The following PATL2 variants were observed in gnomAD, a reference collection of about 807,000 sequenced individuals.
The protein encoded by PATL2 is PAT1 homolog 2.
In PATL2, 73 loss-of-function variants were observed where a neutral mutation model predicts 77.0. The ratio of observed to expected loss-of-function variants is 0.95; its 90% CI spans 0.78 to 1.15. PATL2 has a LOEUF of 1.15. PATL2 is among the 50% of genes most tolerant of loss of function. The pLI, the probability that PATL2 is intolerant of heterozygous loss-of-function variation, is 0.00. For missense variants in PATL2, 618 were observed against 655.4 expected (o/e 0.94, Z 0.62); for synonymous variants, 265 against 257.1 (o/e 1.03, Z -0.29).
At chr15:44,687,241 G>A (rs529806660) in intron 3 of PATL2, among the ~76,000 whole-genome samples, 1 of 152,172 alleles carries the variant, frequency 6.6e-6, no homozygotes, top group Non-Finnish European at 1.5e-5. Flanking sequence ...GGGATGCAAG[G>A]CTGGTTCAAC....
intron 3 of PATL2, among the ~76,000 whole-genome samples, chr15:44,686,388 C>T (rs1019533999): frequency 5.7e-4 from 87 of 152,176 alleles, no homozygotes; most frequent in Admixed American, 1.4e-3. Flanking sequence ...GTACCAGCAT[C>T]TCTGGGCCAC....
chr15:44,666,664 G>A, intron 16 of PATL2, 123 bp from the exon 17 acceptor site: 2 of 1,022,930 alleles, frequency 2.0e-6, no homozygotes, highest in Non-Finnish European at 2.8e-6. Flanking sequence ...TAGCAATTCA[G>A]AGGTAACATT....
At chr15:44,686,447 G>C (rs1459973557) in intron 3 of PATL2, among the ~76,000 whole-genome samples, 2 of 152,160 alleles carry the variant, frequency 1.3e-5, no homozygotes, top group Non-Finnish European at 2.9e-5. Flanking sequence ...ATGCCCACAA[G>C]AGGAAGTAGG....
intron 3 of PATL2, among the ~76,000 whole-genome samples, chr15:44,681,147 G>T (rs1479559653): frequency 6.6e-6 from 1 of 152,068 alleles, no homozygotes; most frequent in Non-Finnish European, 1.5e-5. Context: ...AACCTTCCAA[G>T]TAGCTGGGAC....
At chr15:44,668,908 G>A in intron 14 of PATL2, 72 bp downstream of exon 14, 1 of 1,429,718 alleles carries the variant, frequency 7.0e-7, no homozygotes, top group South Asian at 1.5e-5. Context: ...GGGGCATGTG[G>A]GGACTGGAGG....
intron 3 of PATL2, among the ~76,000 whole-genome samples, chr15:44,679,378 G>A (rs1263838326): frequency 6.6e-6 from 1 of 151,866 alleles, no homozygotes; most frequent in Non-Finnish European, 1.5e-5. Flanking sequence ...TTACAGGGGT[G>A]TGCCATGCCC....
intron 3 of PATL2, among the ~76,000 whole-genome samples, chr15:44,698,780 T>C (rs1321010840): frequency 6.6e-6 from 1 of 152,234 alleles, no homozygotes; most frequent in Non-Finnish European, 1.5e-5. Flanking sequence ...TGCTGGATCA[T>C]ATGATTGCTG....
chr15:44,676,797 A>C, intron 3 of PATL2: 1 of 1,197,076 alleles, frequency 8.4e-7, no homozygotes, highest in Non-Finnish European at 1.1e-6. Flanking sequence ...AAGCAGGAAG[A>C]GAAGTACTTC....
chr15:44,685,613 A>C (rs541389875), intron 3 of PATL2, among the ~76,000 whole-genome samples: 1 of 152,128 alleles, frequency 6.6e-6, no homozygotes, highest in South Asian at 2.1e-4. Context: ...GTCTCAAAAA[A>C]AAAAAAAGAA....
chr15:44,698,365 A>T (rs947945814), intron 3 of PATL2, among the ~76,000 whole-genome samples: 1 of 152,114 alleles, frequency 6.6e-6, no homozygotes, highest in African/African-American at 2.4e-5. Context: ...TTTTGTATCC[A>T]TTAACCATTT....
Position 44,669,990 on chromosome 15 carries a change from G to T in PATL2, c.755C>A (p.Pro252Gln). The change falls in exon 10 of 18, where the codon CCG becomes CAG. Residue 252 changes from proline to glutamine, a missense_variant. Pro to Gln is a moderately conservative substitution (Grantham distance 76, BLOSUM62 -1). Coordinates refer to ENST00000682850, the MANE Select transcript of PATL2 (RefSeq NM_001387263.1). ...ESLKLVTPYI[P>Q]KAEAYESVVR... Reference sequence around the variant, plus strand: ...ACCGGACTCATAAGCCTCTGCCTTCGGAATGTAAGGCGTTACCAGCTTGAG... The same window carrying T: ...ACCGGACTCATAAGCCTCTGCCTTCTGAATGTAAGGCGTTACCAGCTTGAG... 2 of 1,548,802 alleles carry T rather than the reference G, an allele frequency of 1.3e-6. No individual in the cohort carries two copies. Among genetic ancestry groups the T allele is most frequent in the Non-Finnish European group, 1.7e-6 (2 of 1,145,796 alleles).
chr15:44,701,897 G>A (rs919220509), intron 3 of PATL2, among the ~76,000 whole-genome samples: 2 of 151,860 alleles, frequency 1.3e-5, no homozygotes, highest in South Asian at 2.1e-4. Flanking sequence ...GGAGCAAGAG[G>A]TGGTGGGGGG....
At chr15:44,671,892 G>T in intron 9 of PATL2, 123 bp downstream of exon 9, 1 of 1,239,996 alleles carries the variant, frequency 8.1e-7, no homozygotes, top group Non-Finnish European at 1.1e-6. Flanking sequence ...ATCCTGTAGT[G>T]ATTCTCTCTC....
chr15:44,675,426 C>G lies in PATL2; in HGVS notation c.222+60G>C, dbSNP rs572130951. On this transcript the variant is annotated intron_variant, in intron 5 of 17. Transcript: ENST00000682850. ...AAAAGAGAAGAGGAATGTTTAGTGA[C>G]AGCCTGTGAGCCACAGACAGTTCAG... The G allele has an allele frequency of 5.6e-5, 83 of 1,481,666 alleles. 1 individual carries two copies. In the East Asian group the frequency reaches 1.6e-3, roughly 29 times the overall value. 91.8% of individuals were successfully genotyped at this position (1,481,666 alleles called of 1,614,324 possible).
At position 44,676,737 on chromosome 15, in the gene PATL2, C is replaced by T. The variant is rs180944469; in HGVS notation, c.-75-172G>A. 1.6e-4 allele frequency: 201 copies of T among 1,258,732 alleles called. 2 individuals carry two copies. In the East Asian group the frequency reaches 2.6e-3, roughly 16 times the overall value. 78.0% of individuals were successfully genotyped at this position (1,258,732 alleles called of 1,614,324 possible). A position where few individuals can be genotyped will look rare whatever the true frequency, so the allele number is the denominator to read the frequency against. The stretch of plus-strand genomic sequence containing the variant: ...GCCATAAACACCCACCCTCCCAGCT[C>T]GGCTCTAGGGAGCTGTCCCACAAAG... On this transcript the variant is annotated intron_variant, in intron 3 of 17. Transcript: ENST00000682850.
Position 44,684,761 on chromosome 15 carries a change from T to G in PATL2, c.-75-8196A>C, listed in dbSNP as rs376460090. On this transcript the variant is annotated intron_variant, in intron 3 of 17. Transcript: ENST00000682850. ...AATATGGAGAACACCACGAAGATAT[T>G]CCTCGAGAAGAGCAACCCCAAGACA... is the stretch of plus-strand genomic sequence containing the variant. 6.6e-5 allele frequency among the ~76,000 whole-genome samples: 10 copies of G among 152,016 alleles called. No individual in the cohort carries two copies. In the East Asian group the frequency reaches 7.7e-4, roughly 12 times the overall value.
At chr15:44,679,701 C>T (rs996212758) in intron 3 of PATL2, among the ~76,000 whole-genome samples, 4 of 151,808 alleles carry the variant, frequency 2.6e-5, no homozygotes, top group East Asian at 1.9e-4. Flanking sequence ...CCTTTGTCTC[C>T]CTTTTTATTC....
chr15:44,682,438 C>T (rs1289568649), intron 3 of PATL2, among the ~76,000 whole-genome samples: 2 of 152,174 alleles, frequency 1.3e-5, no homozygotes, highest in Non-Finnish European at 1.5e-5. Flanking sequence ...AGAGATGTTC[C>T]TCATCTCTGT....
At chr15:44,689,346 C>A (rs943293987) in intron 3 of PATL2, among the ~76,000 whole-genome samples, 1 of 152,204 alleles carries the variant, frequency 6.6e-6, no homozygotes, top group Non-Finnish European at 1.5e-5. Flanking sequence ...TTTGACCCAA[C>A]AATCCAATTA....
Sources: gnomAD v4.1 joint callset for allele counts (sites outside exome capture counted in the v4.1 genomes callset) on GRCh38, gnomAD v4.1.1 for gene constraint, MANE v1.5 for transcripts, NCBI Gene and HGNC (gene_info 2026-07-23, HGNC 2026-07-21) for gene names.